Variants in FREM3 observed in about 807,000 individuals in gnomAD.
FREM3 encodes FRAS1-related extracellular matrix protein 3.
A neutral mutation model predicts 129.1 loss-of-function variants in FREM3; 105 were observed. The observed-to-expected ratio is 0.81, with a 90% CI of 0.69 to 0.96. The LOEUF (loss-of-function observed/expected upper bound fraction) is 0.96, where lower values mean the gene tolerates loss of function less well. Among genes scored for constraint, FREM3 ranks in the 40% least tolerant of loss-of-function variants. The pLI is 0.00. For synonymous variants in FREM3, 1,014 were observed against 1,044.9 expected (o/e 0.97, Z 0.57); for missense variants, 2,593 against 2,666.3 (o/e 0.97, Z 0.61).
intron 2 of FREM3, among the ~76,000 whole-genome samples, chr4:143,660,510 A>G (rs1445424092): frequency 6.6e-5 from 10 of 152,076 alleles, no homozygotes; most frequent in Non-Finnish European, 1.3e-4. Flanking sequence ...TTTGAAGTCG[A>G]GTAGCGTGAT....
At chr4:143,588,037 G>A (rs1015827683) in intron 6 of FREM3, among the ~76,000 whole-genome samples, 1 of 151,982 alleles carries the variant, frequency 6.6e-6, no homozygotes, top group African/African-American at 2.4e-5. Flanking sequence ...CCTCTCTTTT[G>A]TTCATCCACC....
chr4:143,648,290 TTGTCTCAGA>T (rs1739454249), intron 2 of FREM3, among the ~76,000 whole-genome samples: 2 of 152,236 alleles, frequency 1.3e-5, no homozygotes, highest in African/African-American at 4.8e-5. Flanking sequence ...GGGATTTGCC[TTGTCTCAGA>T]TGAGACTTTG....
At chr4:143,589,091 GT>G (rs1442096346) in intron 6 of FREM3, among the ~76,000 whole-genome samples, 2 of 152,106 alleles carry the variant, frequency 1.3e-5, no homozygotes, top group Admixed American at 1.3e-4. Flanking sequence ...GGATGGGGTT[GT>G]TTTTTTCTTG....
chr4:143,675,890 C>T (rs1424063769), intron 2 of FREM3, among the ~76,000 whole-genome samples: 1 of 151,990 alleles, frequency 6.6e-6, no homozygotes, highest in Non-Finnish European at 1.5e-5. Context: ...GAAACTGAGG[C>T]AATAATTAAT....
At chr4:143,617,042 A>G (rs1738864282) in intron 5 of FREM3, among the ~76,000 whole-genome samples, 1 of 152,214 alleles carries the variant, frequency 6.6e-6, no homozygotes, top group African/African-American at 2.4e-5. Flanking sequence ...GTGGTTTGCT[A>G]TTCATTGGCT....
chr4:143,697,690 T>G lies in FREM3; in HGVS notation c.2986A>C (p.Thr996Pro), dbSNP rs780769416. Residue 996 changes from threonine (T) to proline (P), a missense_variant, in exon 1 of 8, where the codon ACT becomes CCT. Transcript: ENST00000329798. ...GTGGGCAAACCATTTACCAGAATAG[T>G]GCCCAGTTTGGGGCTGTCCTTTACA... The part of the protein sequence containing the change: ...FIVKDSPKLG[T>P]ILVNGLPTER... The G allele has an allele frequency of 1.6e-5, 24 of 1,537,838 alleles. No individual in the cohort carries two copies. In the East Asian group the frequency reaches 5.9e-4, roughly 38 times the overall value.
rs1740585453 is a variant in FREM3 at position 143,697,053 on chromosome 4, C to T, written c.3623G>A (p.Ser1208Asn). The T allele has an allele frequency of 6.5e-7, 1 of 1,537,558 alleles. No individual in the cohort carries two copies. The highest frequency in any genetic ancestry group is 8.7e-7 in the Non-Finnish European group (1 of 1,146,996). ...AHEFKVLEGM[S>N]LVIDTQLLNG... ...AAGCAGCTGGGTGTCTATGACCAGG[C>T]TCATCCCCTCTAGTACCTTAAACTC... Residue 1208 changes from serine (S) to asparagine (N), a missense_variant, in exon 1 of 8, where the codon AGC (serine) becomes AAC (asparagine). This residue lies in a region of FREM3 where 2,276 missense variants were observed against 2,267.2 expected (regional missense o/e 1.00). Coordinates refer to ENST00000329798, the MANE Select transcript of FREM3 (RefSeq NM_001168235.2).
intron 2 of FREM3, among the ~76,000 whole-genome samples, chr4:143,659,318 C>T (rs1739659954): frequency 6.6e-6 from 1 of 151,964 alleles, no homozygotes; most frequent in Non-Finnish European, 1.5e-5. Flanking sequence ...GTTCAATTCC[C>T]ACCTGTGAGT....
At position 143,637,560 on chromosome 4, in the gene FREM3, T is replaced by C. The variant is rs1043973123; in HGVS notation, c.5276-9800A>G. Among the ~76,000 whole-genome samples the C allele has an allele frequency of 2.0e-5, 3 of 152,156 alleles. No individual in the cohort carries two copies. The East Asian group carries it at 5.8e-4, about 29-fold the overall frequency. On this transcript the variant is annotated intron_variant, in intron 2 of 7. Coordinates refer to ENST00000329798, the MANE Select transcript of FREM3 (RefSeq NM_001168235.2). ...TCAACTGTTCACCGGGTCTCCCTGA[T>C]TGTGCCCTCTTAGTGCTTCAGGGTG... is the stretch of plus-strand genomic sequence containing the variant.
intron 6 of FREM3, among the ~76,000 whole-genome samples, chr4:143,595,615 C>T (rs1578827129): frequency 2.0e-5 from 3 of 152,114 alleles, no homozygotes; most frequent in Admixed American, 6.5e-5. Flanking sequence ...GAGCCGGGCA[C>T]CGTGGCTCTT....
At chr4:143,636,718 T>C (rs966105477) in intron 2 of FREM3, among the ~76,000 whole-genome samples, 4 of 152,014 alleles carry the variant, frequency 2.6e-5, no homozygotes, top group African/African-American at 7.2e-5. Context: ...TCTCCTCTTT[T>C]AAAAGTGCAA....
chr4:143,667,744 C>T (rs1045054197), intron 2 of FREM3, among the ~76,000 whole-genome samples: 2 of 152,172 alleles, frequency 1.3e-5, no homozygotes, highest in African/African-American at 2.4e-5. Flanking sequence ...GTGCCTTCCC[C>T]GATAATTAAA....
At chr4:143,687,643 A>T (rs1030420671) in intron 2 of FREM3, among the ~76,000 whole-genome samples, 13 of 152,206 alleles carry the variant, frequency 8.5e-5, no homozygotes, top group African/African-American at 3.1e-4. Context: ...ATCCAACAAT[A>T]TATCAAAAAG....
At chr4:143,599,649 G>A (rs889265018) in intron 6 of FREM3, among the ~76,000 whole-genome samples, 1 of 152,176 alleles carries the variant, frequency 6.6e-6, no homozygotes, top group Non-Finnish European at 1.5e-5. Context: ...AAGGCATGGT[G>A]TCCAAAGAAT....
At chr4:143,645,685 G>T (rs891475807) in intron 2 of FREM3, among the ~76,000 whole-genome samples, 8 of 152,108 alleles carry the variant, frequency 5.3e-5, no homozygotes, top group African/African-American at 1.7e-4. Flanking sequence ...TACAGATTTT[G>T]TATCTGCTAG....
chr4:143,618,626 G>T (rs537830056), intron 5 of FREM3, among the ~76,000 whole-genome samples: 162 of 152,216 alleles, frequency 1.1e-3, no homozygotes, highest in African/African-American at 3.6e-3. Flanking sequence ...AAGTATGGTG[G>T]CACACACCTG....
At chr4:143,622,660 G>A (rs561301631) in intron 4 of FREM3, among the ~76,000 whole-genome samples, 12 of 151,956 alleles carry the variant, frequency 7.9e-5, no homozygotes, top group East Asian at 1.9e-4. Context: ...GATTCAAAAC[G>A]TTGGCATCAT....
At chr4:143,624,001 A>T (rs1036601871) in intron 4 of FREM3, 107 bp downstream of exon 4, 1 of 640,966 alleles carries the variant, frequency 1.6e-6, no homozygotes, top group African/African-American at 1.8e-5. Context: ...TCCTAAATGG[A>T]TATGAACGCA....
At chr4:143,686,537 G>A (rs948991770) in intron 2 of FREM3, among the ~76,000 whole-genome samples, 2 of 152,078 alleles carry the variant, frequency 1.3e-5, no homozygotes, top group African/African-American at 4.8e-5. Context: ...CTATTCAACA[G>A]CACATGAAAC....
Sources: allele counts gnomAD v4.1 joint callset (sites outside exome capture counted in the v4.1 genomes callset), GRCh38; gene constraint gnomAD v4.1.1; regional missense constraint gnomAD v4.1.1; transcripts MANE v1.5; gene names NCBI Gene and HGNC (gene_info 2026-07-23, HGNC 2026-07-21).